Variants in TTYH3 observed in about 807,000 individuals in gnomAD.
TTYH3 encodes the protein tweety family member 3.
Under a neutral mutation model 68.2 loss-of-function variants are expected in TTYH3, and 23 were observed. That is an observed-to-expected ratio of 0.34 (90% CI 0.24 to 0.48). TTYH3 has a LOEUF of 0.48. Ranked by LOEUF, TTYH3 falls within the 20% of genes least tolerant of loss-of-function variation. TTYH3 has a pLI of 0.99. For synonymous variants in TTYH3, 360 were observed against 332.8 expected, an observed-to-expected ratio of 1.08 and a Z score of -0.89; for missense variants, 768 against 727.7, an observed-to-expected ratio of 1.06 and a Z score of -0.64.
chr7:2,632,189 G>C lies in TTYH3; in HGVS notation c.34G>C (p.Val12Leu). 1 of 1,526,700 alleles carries C rather than the reference G, an allele frequency of 6.6e-7. No individual in the cohort carries two copies. Among genetic ancestry groups the C allele is most frequent in the Non-Finnish European group, 8.8e-7 (1 of 1,131,858 alleles). 94.6% of individuals were successfully genotyped at this position (1,526,700 alleles called of 1,614,324 possible). The change falls in exon 1 of 14, where the codon GTG (valine) becomes CTG (leucine). Residue 12 changes from valine to leucine, a missense_variant. Physicochemically the swap from Val to Leu is conservative, Grantham distance 32. Transcript: ENST00000258796. Reference sequence around the variant, plus strand: ...GGTCAGCTACGCGGCGCCCTGGTGGGTGAGCCTCCTGCACCGGCTGCCCCA... The same window carrying C: ...GGTCAGCTACGCGGCGCCCTGGTGGCTGAGCCTCCTGCACCGGCTGCCCCA... The part of the protein sequence containing the change: ...AGVSYAAPWW[V>L]SLLHRLPHFD...
At chr7:2,632,638 G>T (rs1463925419) in intron 1 of TTYH3, among the ~76,000 whole-genome samples, 21 of 152,206 alleles carry the variant, frequency 1.4e-4, no homozygotes, top group Non-Finnish European at 5.9e-5. Context: ...CCAGTGGAGG[G>T]CCTCTCCACC....
At chr7:2,634,561 CG>C (rs537717257) in intron 1 of TTYH3, among the ~76,000 whole-genome samples, 145 of 2,830 alleles carry the variant, frequency 0.051, no homozygotes, top group African/African-American at 0.16. Flanking sequence ...GTTATGGGGG[CG>C]GGGGGATGGA....
intron 1 of TTYH3, among the ~76,000 whole-genome samples, chr7:2,636,640 G>T (rs936599848): frequency 3.3e-5 from 5 of 152,184 alleles, no homozygotes; most frequent in African/African-American, 1.2e-4. Flanking sequence ...CAGCGAATGG[G>T]ACCCTGCATT....
chr7:2,644,140 G>A (rs1316160093), intron 1 of TTYH3, among the ~76,000 whole-genome samples: 1 of 152,192 alleles, frequency 6.6e-6, no homozygotes, highest in African/African-American at 2.4e-5. Flanking sequence ...TGGAAGTGCA[G>A]ACGTGGGCAT....
At chr7:2,635,121 C>T (rs1376449156) in intron 1 of TTYH3, among the ~76,000 whole-genome samples, 1 of 152,174 alleles carries the variant, frequency 6.6e-6, no homozygotes, top group Admixed American at 6.5e-5. Context: ...GATTTGGAGG[C>T]CCACAGGAGG....
At position 2,663,582 on chromosome 7, in the gene TTYH3, A is replaced by C. The variant is rs1048458520; in HGVS notation, c.*1843A>C. The C allele has an allele frequency of 2.6e-5, 4 of 152,446 alleles. No individual in the cohort carries two copies. The highest frequency in any genetic ancestry group is 9.7e-5 in the African/African-American group (4 of 41,380). The allele number at this position is 152,446 out of a possible 1,614,324, so 9.4% of individuals were successfully genotyped here. On this transcript the variant is annotated 3_prime_UTR_variant, in exon 14 of 14. Transcript: ENST00000258796. ...CCCCTCGGAGGCCCCGCCACAGCCAACCTGCCCAGTCTTTCCTCTGGGCTT... is the reference window on the plus strand; with the variant it reads ...CCCCTCGGAGGCCCCGCCACAGCCACCCTGCCCAGTCTTTCCTCTGGGCTT...
chr7:2,640,793 G>A (rs987599254), intron 1 of TTYH3, among the ~76,000 whole-genome samples: 23 of 152,220 alleles, frequency 1.5e-4, no homozygotes, highest in South Asian at 4.1e-4. Flanking sequence ...CAAGTGCCCC[G>A]TGGGCCGTCC....
intron 1 of TTYH3, among the ~76,000 whole-genome samples, chr7:2,641,333 C>A (rs1054518459): frequency 6.6e-6 from 1 of 151,666 alleles, no homozygotes; most frequent in Non-Finnish European, 1.5e-5. Context: ...AGTCTGGGCT[C>A]ACGGTGGGAG....
chr7:2,641,278 G>A (rs1359210692), intron 1 of TTYH3, among the ~76,000 whole-genome samples: 1 of 152,180 alleles, frequency 6.6e-6, no homozygotes, highest in Non-Finnish European at 1.5e-5. Context: ...CAGAGTTGGT[G>A]GGGTTTTGGG....
intron 9 of TTYH3, among the ~76,000 whole-genome samples, chr7:2,654,674 G>A (rs1316298660): frequency 6.6e-6 from 1 of 152,134 alleles, no homozygotes; most frequent in African/African-American, 2.4e-5. Flanking sequence ...TGGCAGGGCC[G>A]GCTTCTTCCA....
At chr7:2,644,350 C>T (rs1226814290) in intron 1 of TTYH3, among the ~76,000 whole-genome samples, 1 of 152,188 alleles carries the variant, frequency 6.6e-6, no homozygotes, top group African/African-American at 2.4e-5. Context: ...TTTCCAAGCT[C>T]CCTAACGTTT....
At chr7:2,636,872 G>A (rs1379203323) in intron 1 of TTYH3, among the ~76,000 whole-genome samples, 1 of 152,132 alleles carries the variant, frequency 6.6e-6, no homozygotes, top group Non-Finnish European at 1.5e-5. Flanking sequence ...CTGGGCTCCT[G>A]GTTTTTGTGG....
intron 13 of TTYH3, chr7:2,659,849 C>T (rs975011514): frequency 2.4e-6 from 3 of 1,248,420 alleles, no homozygotes; most frequent in African/African-American, 3.1e-5. Flanking sequence ...TCACACGGCC[C>T]ACAGCCCACT....
chr7:2,656,037 C>G, intron 9 of TTYH3, 55 bp from the exon 10 acceptor site: 1 of 1,405,486 alleles, frequency 7.1e-7, no homozygotes, highest in Admixed American at 2.1e-5. Context: ...GCGAGGCTGG[C>G]TCGAGGTCCC....
chr7:2,648,395 T>G, intron 5 of TTYH3: 5 of 252,158 alleles, frequency 2.0e-5, no homozygotes, highest in East Asian at 1.6e-4. Flanking sequence ...CCTCCACCCC[T>G]TCCATCCTTG....
chr7:2,656,742 A>G (rs1786347000), intron 11 of TTYH3, among the ~76,000 whole-genome samples: 1 of 152,180 alleles, frequency 6.6e-6, no homozygotes, highest in African/African-American at 2.4e-5. Flanking sequence ...GGAGGAAAAC[A>G]GCCTGGAGGA....
chr7:2,640,348 G>C (rs927614171), intron 1 of TTYH3, among the ~76,000 whole-genome samples: 1 of 152,204 alleles, frequency 6.6e-6, no homozygotes, highest in Non-Finnish European at 1.5e-5. Context: ...GCAGGGTAGC[G>C]GGGTGGGCAG....
At chr7:2,640,984 G>A (rs1414754049) in intron 1 of TTYH3, among the ~76,000 whole-genome samples, 1 of 152,208 alleles carries the variant, frequency 6.6e-6, no homozygotes, top group Non-Finnish European at 1.5e-5. Context: ...ATATCCTGGG[G>A]ACATCCTGGA....
rs1786550756 is a variant in TTYH3 at position 2,663,709 on chromosome 7, T to C, written c.*1970T>C. 6.6e-6 allele frequency: 1 copy of C among 152,608 alleles called. No individual in the cohort carries two copies. The highest frequency in any genetic ancestry group is 6.5e-5 in the Admixed American group (1 of 15,290). The allele number at this position is 152,608 out of a possible 1,614,324, so 9.5% of individuals were successfully genotyped here. A position where few individuals can be genotyped will look rare whatever the true frequency, so the allele number is the denominator to read the frequency against. On this transcript the variant is annotated 3_prime_UTR_variant, in exon 14 of 14. Transcript: ENST00000258796. ...CCCTGCGACCGCTCAGAAGCACAAA[T>C]GCTGTCCATGGCCGTGAGGCTGCCT...
Sources: gnomAD v4.1 joint callset for allele counts (sites outside exome capture counted in the v4.1 genomes callset) on GRCh38, gnomAD v4.1.1 for gene constraint, MANE v1.5 for transcripts, NCBI Gene and HGNC (gene_info 2026-07-23, HGNC 2026-07-21) for gene names.